Variants in ZMIZ1 observed in about 807,000 individuals in gnomAD.
The protein encoded by ZMIZ1 is zinc finger MIZ domain-containing protein 1.
ZMIZ1 carries 17 observed loss-of-function variants against 113.9 expected under a neutral mutation model. That is an observed-to-expected ratio of 0.15 (90% confidence interval 0.10 to 0.22). The LOEUF is 0.22. ZMIZ1 is among the 10% of genes least tolerant of loss of function. The pLI, the probability that ZMIZ1 is intolerant of heterozygous loss-of-function variation, is 1.00. For missense variants in ZMIZ1, 1,059 were observed against 1,477.8 expected, an observed-to-expected ratio of 0.72 and a Z score of 4.65; for synonymous variants, 607 against 603.1, an observed-to-expected ratio of 1.01 and a Z score of -0.09.
intron 7 of ZMIZ1, among the ~76,000 whole-genome samples, chr10:79,238,444 C>G (rs1312873639): frequency 6.6e-6 from 1 of 152,170 alleles, no homozygotes; most frequent in African/African-American, 2.4e-5. Flanking sequence ...GCATCGTGTC[C>G]CTGTCCCCCA....
At chr10:79,135,840 G>C (rs1589317290) in intron 2 of ZMIZ1, among the ~76,000 whole-genome samples, 1 of 152,212 alleles carries the variant, frequency 6.6e-6, no homozygotes, top group African/African-American at 2.4e-5. Context: ...CTCAAAGGAA[G>C]ACTCAGTACA....
At chr10:79,260,832 T>C (rs1195837385) in intron 7 of ZMIZ1, among the ~76,000 whole-genome samples, 2 of 152,226 alleles carry the variant, frequency 1.3e-5, no homozygotes, top group African/African-American at 4.8e-5. Flanking sequence ...TAGATCCCAC[T>C]CTGCTGTTTT....
rs533550065 is a variant in ZMIZ1, at chr10:79,199,487, C to T, written c.-49-2097C>T. ...CGCCACTGCACTCCAGCCTGGGCGACAAAGTGAAACTCCATCTCAAAAAAA... is the reference window on the plus strand; with the variant it reads ...CGCCACTGCACTCCAGCCTGGGCGATAAAGTGAAACTCCATCTCAAAAAAA... On this transcript the variant is annotated intron_variant, in intron 4 of 24. Coordinates refer to ENST00000334512, the MANE Select transcript of ZMIZ1 (RefSeq NM_020338.4). Among the ~76,000 whole-genome samples, 7 of 150,938 alleles carry T rather than the reference C, an allele frequency of 4.6e-5. No individual in the cohort carries two copies. The East Asian group carries it at 1.4e-3, about 29-fold the overall frequency.
intron 2 of ZMIZ1, among the ~76,000 whole-genome samples, chr10:79,120,157 G>A (rs1844225083): frequency 6.6e-6 from 1 of 152,186 alleles, no homozygotes; most frequent in Non-Finnish European, 1.5e-5. Flanking sequence ...AGACATGAGT[G>A]GTGGTGAGTG....
At chr10:79,070,155 G>T (rs545982817) in intron 1 of ZMIZ1, among the ~76,000 whole-genome samples, 1 of 150,020 alleles carries the variant, frequency 6.7e-6, no homozygotes, top group Admixed American at 6.6e-5. Context: ...TCGGGGGGGG[G>T]AGGCGGGTTC....
chr10:79,184,248 G>T (rs988138730), intron 4 of ZMIZ1, among the ~76,000 whole-genome samples: 1 of 152,182 alleles, frequency 6.6e-6, no homozygotes. Context: ...GACAGAAAGC[G>T]CTGGCCAGAG....
chr10:79,083,092 G>A (rs1385467343), intron 1 of ZMIZ1, among the ~76,000 whole-genome samples: 2 of 152,254 alleles, frequency 1.3e-5, no homozygotes, highest in Non-Finnish European at 2.9e-5. Context: ...TCTAGTAGGC[G>A]AGACAGTCAG....
In ZMIZ1 at chr10:79,302,142, C is replaced by G. The variant is rs1854347541; in HGVS notation, c.2055C>G (p.Pro685=). ...TCGTGCTGCAGCTGGTACACCGGCC[C>G]TCCGTCCGCTCTGTGCTGCAAGGAC... is the stretch of plus-strand genomic sequence containing the variant. The part of the protein sequence containing the change: ...HLFVLQLVHR[P]SVRSVLQGLL... The change falls in exon 18 of 25, where the codon CCC becomes CCG. Residue 685 remains proline, a synonymous_variant. Coordinates refer to ENST00000334512, the MANE Select transcript of ZMIZ1 (RefSeq NM_020338.4). The G allele has an allele frequency of 1.2e-6, 2 of 1,614,050 alleles. No homozygotes were observed. The highest frequency in any genetic ancestry group is 1.3e-5 in the African/African-American group (1 of 75,042).
chr10:79,315,905 G>C lies in ZMIZ1; in HGVS notation c.*3156G>C, dbSNP rs143630076. ...CCATCACGTGGAAAAACTAGATCCT[G>C]TTGGTTATAGCATTTGTGAGTTCTC... is the stretch of plus-strand genomic sequence containing the variant. On this transcript the variant is annotated 3_prime_UTR_variant, in exon 25 of 25. Coordinates refer to ENST00000334512, the MANE Select transcript of ZMIZ1 (RefSeq NM_020338.4). 4 of 152,734 alleles carry C rather than the reference G, an allele frequency of 2.6e-5. No homozygotes were observed. Among genetic ancestry groups the C allele is most frequent in the Non-Finnish European group, 4.4e-5 (3 of 68,020 alleles). 9.5% of individuals were successfully genotyped at this position (152,734 alleles called of 1,614,324 possible).
intron 4 of ZMIZ1, among the ~76,000 whole-genome samples, chr10:79,191,366 T>C (rs1358886400): frequency 7.9e-6 from 1 of 126,414 alleles, no homozygotes; most frequent in Non-Finnish European, 1.8e-5. Context: ...GGGCACCAGC[T>C]GGTGGTCGGG....
chr10:79,280,762 C>G (rs1852682831), intron 8 of ZMIZ1, among the ~76,000 whole-genome samples: 1 of 145,114 alleles, frequency 6.9e-6, no homozygotes. Context: ...TTGAGTCTCA[C>G]CTTTGGTTAA....
At chr10:79,078,932 C>G (rs1016255140) in intron 1 of ZMIZ1, among the ~76,000 whole-genome samples, 1 of 152,158 alleles carries the variant, frequency 6.6e-6, no homozygotes, top group Admixed American at 6.5e-5. Flanking sequence ...TCCCTTTCAG[C>G]TCAGGCATTG....
chr10:79,123,800 G>T (rs1308316914), intron 2 of ZMIZ1, among the ~76,000 whole-genome samples: 1 of 152,348 alleles, frequency 6.6e-6, no homozygotes, highest in Admixed American at 6.5e-5. Flanking sequence ...TTACATAGGC[G>T]GTTTGGGGCT....
intron 8 of ZMIZ1, among the ~76,000 whole-genome samples, chr10:79,279,636 G>C (rs1029203810): frequency 6.6e-6 from 1 of 152,198 alleles, no homozygotes; most frequent in Admixed American, 6.5e-5. Flanking sequence ...AGATTGTAGC[G>C]AGCCGAGATC....
At chr10:79,149,508 C>T (rs987568585) in intron 3 of ZMIZ1, among the ~76,000 whole-genome samples, 3 of 152,198 alleles carry the variant, frequency 2.0e-5, no homozygotes, top group Non-Finnish European at 2.9e-5. Flanking sequence ...CTGGATTCAC[C>T]TGGAGGCCAT....
At chr10:79,231,835 C>T (rs1357644294) in intron 7 of ZMIZ1, among the ~76,000 whole-genome samples, 1 of 152,234 alleles carries the variant, frequency 6.6e-6, no homozygotes, top group East Asian at 1.9e-4. Flanking sequence ...GCCTCAGCCT[C>T]CCAAAGTGCT....
intron 7 of ZMIZ1, among the ~76,000 whole-genome samples, chr10:79,251,339 C>T (rs1328158921): frequency 6.6e-6 from 1 of 152,190 alleles, no homozygotes; most frequent in African/African-American, 2.4e-5. Flanking sequence ...TTCCAGCCAG[C>T]ACCTTGAGCA....
chr10:79,075,583 A>ACATGCACACCTGCACACATGCAAACG (rs1301747259), intron 1 of ZMIZ1, among the ~76,000 whole-genome samples: 1 of 151,886 alleles, frequency 6.6e-6, no homozygotes, highest in Non-Finnish European at 1.5e-5. Flanking sequence ...ACACATGCAC[A>ACATGCACACCTGCACACATGCAAACG]CATGCACACC....
chr10:79,305,447 A>G, intron 20 of ZMIZ1, 86 bp from the exon 21 acceptor site: 1 of 1,465,118 alleles, frequency 6.8e-7, no homozygotes, highest in Middle Eastern at 1.7e-4. Flanking sequence ...CAGGGGTGGG[A>G]CCCCACTGAC....
Sources: allele counts gnomAD v4.1 joint callset (sites outside exome capture counted in the v4.1 genomes callset), GRCh38; gene constraint gnomAD v4.1.1; transcripts MANE v1.5; gene names NCBI Gene and HGNC (gene_info 2026-07-23, HGNC 2026-07-21).